Variants in BST1 observed in about 807,000 individuals in gnomAD.
BST1 encodes bone marrow stromal cell antigen 1, also known as ADP-ribosyl cyclase/cyclic ADP-ribose hydrolase 2.
In BST1, 49 loss-of-function variants were observed where a neutral mutation model predicts 40.6. The observed-to-expected ratio is 1.21, with a 90% confidence interval of 0.96 to 1.53. The LOEUF is 1.53. Among genes scored for constraint, BST1 ranks in the 40% most tolerant of loss-of-function variants. BST1 has a pLI of 0.00. For synonymous variants in BST1, 157 were observed against 159.3 expected, an observed-to-expected ratio of 0.99 and a Z score of 0.11; for missense variants, 423 against 395.9, an observed-to-expected ratio of 1.07 and a Z score of -0.58.
chr4:15,734,009 A>C (rs1031005555), downstream of BST1, among the ~76,000 whole-genome samples: 3 of 152,268 alleles, frequency 2.0e-5, no homozygotes, highest in African/African-American at 7.2e-5. Context: ...ACACCATGGA[A>C]TACTACTCAG....
chr4:15,749,193 G>A, the BST1 span, among the ~76,000 whole-genome samples: 1 of 152,202 alleles, frequency 6.6e-6, no homozygotes, highest in Admixed American at 6.5e-5. Flanking sequence ...AGGCTGCCCC[G>A]TGTGGGGGCA....
chr4:15,753,323 G>T, the BST1 span, among the ~76,000 whole-genome samples: 4 of 152,142 alleles, frequency 2.6e-5, no homozygotes, highest in African/African-American at 9.7e-5. Flanking sequence ...GTCCATTTGT[G>T]GGAGGGATTT....
intron 6 of BST1, among the ~76,000 whole-genome samples, chr4:15,717,920 C>T (rs1176767178): frequency 1.3e-5 from 2 of 152,190 alleles, no homozygotes; most frequent in Non-Finnish European, 2.9e-5. Flanking sequence ...AGTGAGCTAA[C>T]TTGCCTTTTT....
At chr4:15,771,094 A>G in the BST1 span, among the ~76,000 whole-genome samples, 1 of 152,232 alleles carries the variant, frequency 6.6e-6, no homozygotes, top group South Asian at 2.1e-4. Context: ...TGTTGAATAA[A>G]TGAATATCAG....
intron 8 of BST1, among the ~76,000 whole-genome samples, chr4:15,723,932 G>T (rs1293646719): frequency 6.6e-6 from 1 of 152,148 alleles, no homozygotes; most frequent in Non-Finnish European, 1.5e-5. Flanking sequence ...GTAAAACATA[G>T]TGCATTATTG....
chr4:15,708,391 G>C (rs757260396), intron 3 of BST1, among the ~76,000 whole-genome samples: 1 of 152,158 alleles, frequency 6.6e-6, no homozygotes, highest in Non-Finnish European at 1.5e-5. Flanking sequence ...AGCCTCATGG[G>C]GGATATCAGC....
At chr4:15,763,081 TAATA>T in the BST1 span, among the ~76,000 whole-genome samples, 1 of 152,030 alleles carries the variant, frequency 6.6e-6, no homozygotes. Flanking sequence ...TGGAAATGTA[TAATA>T]AATGCATTTT....
intron 6 of BST1, among the ~76,000 whole-genome samples, chr4:15,718,194 G>A (rs868701979): frequency 2.2e-4 from 33 of 151,984 alleles, no homozygotes; most frequent in African/African-American, 7.7e-4. Flanking sequence ...ATGAGTTATG[G>A]TCTGTTTATG....
the BST1 span, among the ~76,000 whole-genome samples, chr4:15,752,281 A>C: frequency 5.3e-5 from 8 of 152,210 alleles, no homozygotes; most frequent in Non-Finnish European, 1.2e-4. Context: ...GAAATAATAC[A>C]ACATGGAAAG....
intron 8 of BST1, among the ~76,000 whole-genome samples, chr4:15,727,419 T>G (rs978572658): frequency 4.6e-5 from 7 of 152,212 alleles, no homozygotes; most frequent in African/African-American, 1.7e-4. Flanking sequence ...CCAACTTTCA[T>G]CACCCTGGCA....
chr4:15,711,675 A>C (rs920785648), intron 3 of BST1, 132 bp from the exon 4 acceptor site: 7 of 700,668 alleles, frequency 1.0e-5, no homozygotes, highest in Non-Finnish European at 1.7e-5. Flanking sequence ...AGAACTGTGG[A>C]TGTTAAACTT....
rs527823254 is a variant in BST1, at chr4:15,707,568, C to A, written c.373C>A (p.Arg125Ser). Residue 125 changes from arginine (R) to serine (S), a missense_variant, in exon 3 of 9, where the codon CGT becomes AGT. Coordinates refer to ENST00000265016, the MANE Select transcript of BST1 (RefSeq NM_004334.3). ...LVNSFADNTR[R>S]FMPLSDVLYG... ...TAACAGCTTTGCAGACAACACCCGT[C>A]GTTTTATGCCCCTGAGCGATGTTCT... 7 of 1,613,908 alleles carry A rather than the reference C, an allele frequency of 4.3e-6. No individual in the cohort carries two copies. In the East Asian group the frequency reaches 1.1e-4, roughly 26 times the overall value.
intron 6 of BST1, among the ~76,000 whole-genome samples, chr4:15,716,837 G>A (rs1457854921): frequency 6.6e-6 from 1 of 152,104 alleles, no homozygotes; most frequent in Non-Finnish European, 1.5e-5. Flanking sequence ...GTGCAGTGGC[G>A]AGATGTCAGC....
At chr4:15,734,944 T>C (rs1721502491), downstream of BST1, among the ~76,000 whole-genome samples, 1 of 152,176 alleles carries the variant, frequency 6.6e-6, no homozygotes. Context: ...ATGAAATCCA[T>C]GAAAACCTGG....
At chr4:15,730,907 C>G (rs1721337635) in intron 8 of BST1, 1 of 254,488 alleles carries the variant, frequency 3.9e-6, no homozygotes, top group Non-Finnish European at 7.3e-6. Flanking sequence ...ACAGTGTGCA[C>G]AATTTGCTTT....
chr4:15,705,462 A>G, intron 1 of BST1, 53 bp from the exon 2 acceptor site: 1 of 1,516,166 alleles, frequency 6.6e-7, no homozygotes, highest in Non-Finnish European at 8.8e-7. Context: ...CATACTTCAC[A>G]ACACATTATG....
intron 4 of BST1, 90 bp from the exon 5 acceptor site, chr4:15,715,195 T>G: frequency 1.7e-6 from 2 of 1,180,516 alleles, no homozygotes; most frequent in Non-Finnish European, 2.5e-6. Flanking sequence ...CTTGCCATTA[T>G]TTAGAACTGA....
intron 7 of BST1, among the ~76,000 whole-genome samples, chr4:15,720,699 G>A (rs1720762011): frequency 6.6e-6 from 1 of 152,120 alleles, no homozygotes; most frequent in Admixed American, 6.5e-5. Context: ...GCTGAGGTGG[G>A]AGGATTGCTT....
the BST1 span, among the ~76,000 whole-genome samples, chr4:15,760,659 A>G: frequency 6.6e-6 from 1 of 151,198 alleles, no homozygotes; most frequent in African/African-American, 2.4e-5. Flanking sequence ...ATATGTAAGC[A>G]TGCATAAATA....
Sources: gnomAD v4.1 joint callset for allele counts (sites outside exome capture counted in the v4.1 genomes callset) on GRCh38, gnomAD v4.1.1 for gene constraint, MANE v1.5 for transcripts, NCBI Gene and HGNC (gene_info 2026-07-23, HGNC 2026-07-21) for gene names.